Variants in PLCB4 observed in about 807,000 individuals in gnomAD.
PLCB4 encodes the protein 1-phosphatidylinositol 4,5-bisphosphate phosphodiesterase beta-4.
Under a neutral mutation model 178.8 loss-of-function variants are expected in PLCB4, and 77 were observed. The ratio of observed to expected loss-of-function variants is 0.43; its 90% CI spans 0.36 to 0.52. PLCB4 has a LOEUF of 0.52. Ranked by LOEUF, PLCB4 falls within the 20% of genes least tolerant of loss-of-function variation. The pLI, the probability that PLCB4 is intolerant of heterozygous loss-of-function variation, is 0.00. For synonymous variants in PLCB4, 496 were observed against 490.8 expected, an observed-to-expected ratio of 1.01 and a Z score of -0.14; for missense variants, 1,024 against 1,453.4, an observed-to-expected ratio of 0.70 and a Z score of 4.80.
At chr20:9,417,876 C>A (rs931800965) in intron 25 of PLCB4, among the ~76,000 whole-genome samples, 7 of 152,120 alleles carry the variant, frequency 4.6e-5, no homozygotes, top group African/African-American at 1.4e-4. Context: ...TGTTATCTGA[C>A]TCATTAATTA....
At chr20:9,424,701 A>G (rs1359230976) in intron 28 of PLCB4, among the ~76,000 whole-genome samples, 1 of 152,198 alleles carries the variant, frequency 6.6e-6, no homozygotes, top group Non-Finnish European at 1.5e-5. Flanking sequence ...CAAAGTGAAG[A>G]TAATAATAAC....
intron 1 of PLCB4, among the ~76,000 whole-genome samples, chr20:9,071,982 G>A (rs1054073009): frequency 3.3e-5 from 5 of 152,146 alleles, no homozygotes; most frequent in African/African-American, 9.7e-5. Flanking sequence ...GCAAAATTAG[G>A]TCAAGGACTA....
chr20:9,211,035 G>C (rs1195528789), intron 2 of PLCB4, among the ~76,000 whole-genome samples: 2 of 152,168 alleles, frequency 1.3e-5, no homozygotes, highest in African/African-American at 4.8e-5. Flanking sequence ...TAATGTCTAG[G>C]CATGGTATGA....
At chr20:9,248,402 C>T (rs912174149) in intron 3 of PLCB4, among the ~76,000 whole-genome samples, 1 of 151,952 alleles carries the variant, frequency 6.6e-6, no homozygotes, top group Non-Finnish European at 1.5e-5. Flanking sequence ...TTTTATTACA[C>T]CAGGTTAACT....
chr20:9,127,654 CTATCTATCTAT>C (rs1327006956), intron 2 of PLCB4, among the ~76,000 whole-genome samples: 3 of 112,624 alleles, frequency 2.7e-5, no homozygotes, highest in African/African-American at 6.0e-5. Context: ...ATCTATCTAT[CTATCTATCTAT>C]CTATCTATCT....
At chr20:9,473,501 A>T (rs1183830272) in intron 38 of PLCB4, 136 bp downstream of exon 38, 1 of 448,748 alleles carries the variant, frequency 2.2e-6, no homozygotes, top group African/African-American at 2.0e-5. Context: ...CCATTACTAT[A>T]TTTTCTCCAT....
In PLCB4 at chr20:9,392,044, C is replaced by T. The variant is rs115055864; in HGVS notation, c.1323+1429C>T. The stretch of plus-strand genomic sequence containing the variant: ...TAAGGGAACCCAAACTAAGAAACAG[C>T]TCTGATTTATTTTATTTGTTTTTAC... On this transcript the variant is annotated intron_variant, in intron 17 of 39. Coordinates refer to ENST00000378473, the MANE Select transcript of PLCB4 (RefSeq NM_001377142.1). Among the ~76,000 whole-genome samples, 1,126 of 152,276 alleles carry T rather than the reference C, an allele frequency of 7.4e-3. 12 individuals carry two copies. The highest frequency in any genetic ancestry group is 0.026 in the African/African-American group (1,061 of 41,554).
chr20:9,334,008 G>A (rs1178593971), intron 4 of PLCB4, among the ~76,000 whole-genome samples: 1 of 152,130 alleles, frequency 6.6e-6, no homozygotes, highest in East Asian at 1.9e-4. Flanking sequence ...ACAGAGGAGA[G>A]GATGGGGCTG....
chr20:9,229,854 C>G (rs914267712), intron 3 of PLCB4, among the ~76,000 whole-genome samples: 7 of 152,250 alleles, frequency 4.6e-5, no homozygotes, highest in Middle Eastern at 3.4e-3. Flanking sequence ...TCTCCCTCCC[C>G]CTACTTCCTG....
intron 3 of PLCB4, among the ~76,000 whole-genome samples, chr20:9,284,423 T>G (rs1380709465): frequency 6.6e-6 from 1 of 151,898 alleles, no homozygotes; most frequent in Admixed American, 6.6e-5. Flanking sequence ...TGGAGAGAGA[T>G]ATAAGGCTAG....
chr20:9,211,177 G>A (rs1316545644), intron 2 of PLCB4, among the ~76,000 whole-genome samples: 1 of 152,092 alleles, frequency 6.6e-6, no homozygotes, highest in Non-Finnish European at 1.5e-5. Context: ...TGTTGCTTGG[G>A]TGCCTTGCTC....
At chr20:9,446,909 A>G (rs1041892605) in intron 32 of PLCB4, among the ~76,000 whole-genome samples, 6 of 152,188 alleles carry the variant, frequency 3.9e-5, no homozygotes, top group Admixed American at 3.3e-4. Context: ...AACAACAACA[A>G]CAACAACAAA....
chr20:9,379,084 A>C (rs1395432303), intron 12 of PLCB4, among the ~76,000 whole-genome samples: 1 of 152,046 alleles, frequency 6.6e-6, no homozygotes, highest in Non-Finnish European at 1.5e-5. Context: ...ACTTCCATTG[A>C]GGTTTGCTTT....
intron 2 of PLCB4, among the ~76,000 whole-genome samples, chr20:9,142,221 G>A (rs953999667): frequency 3.9e-5 from 6 of 152,062 alleles, no homozygotes; most frequent in African/African-American, 7.2e-5. Flanking sequence ...TAAGAGAGAG[G>A]GAAGTGCACA....
chr20:9,071,002 A>G (rs551539675), intron 1 of PLCB4, among the ~76,000 whole-genome samples: 3 of 152,344 alleles, frequency 2.0e-5, no homozygotes, highest in South Asian at 4.1e-4. Flanking sequence ...GCTTTGTTCT[A>G]AAATACTCTA....
chr20:9,340,287 C>T (rs34680797), intron 7 of PLCB4, among the ~76,000 whole-genome samples: 10,117 of 152,150 alleles, frequency 0.066, 358 homozygotes, highest in Middle Eastern at 0.095. Context: ...ATCCAAGCTC[C>T]ATTACCCTCA....
At chr20:9,394,285 T>G (rs888199499) in intron 18 of PLCB4, among the ~76,000 whole-genome samples, 44 of 152,152 alleles carry the variant, frequency 2.9e-4, no homozygotes, top group African/African-American at 1.0e-3. Flanking sequence ...TAAATTATGT[T>G]AATGACAGTT....
intron 1 of PLCB4, among the ~76,000 whole-genome samples, chr20:9,074,807 T>TTTA (rs1274975867): frequency 2.8e-4 from 35 of 123,362 alleles, no homozygotes; most frequent in Non-Finnish European, 3.0e-4. Flanking sequence ...TTTTTTTTTT[T>TTTA]AAACAAAACA....
chr20:9,231,225 A>T (rs906632945), intron 3 of PLCB4, among the ~76,000 whole-genome samples: 4 of 152,158 alleles, frequency 2.6e-5, no homozygotes, highest in Non-Finnish European at 5.9e-5. Context: ...TCTGGGTGAT[A>T]GTTCCCTTTT....
Sources: gnomAD v4.1 joint callset for allele counts (sites outside exome capture counted in the v4.1 genomes callset) on GRCh38, gnomAD v4.1.1 for gene constraint, MANE v1.5 for transcripts, NCBI Gene and HGNC (gene_info 2026-07-23, HGNC 2026-07-21) for gene names.